Variants in UBE2K observed in about 807,000 individuals in gnomAD.
UBE2K encodes ubiquitin-conjugating enzyme E2 K.
UBE2K carries 6 observed loss-of-function variants against 30.0 expected under a neutral mutation model. The ratio of observed to expected loss-of-function variants is 0.20; its 90% CI spans 0.11 to 0.39. The LOEUF is 0.39. Among genes scored for constraint, UBE2K ranks in the 10% least tolerant of loss-of-function variants. The probability of loss-of-function intolerance (pLI) is 1.00; values close to 1 mark genes in which losing one functional copy is unlikely to be tolerated. For missense variants in UBE2K, 61 were observed against 241.6 expected, an observed-to-expected ratio of 0.25 and a Z score of 4.96; for synonymous variants, 86 against 83.7, an observed-to-expected ratio of 1.03 and a Z score of -0.15.
intron 1 of UBE2K, among the ~76,000 whole-genome samples, chr4:39,713,106 C>T (rs1007575673): frequency 2.6e-5 from 4 of 151,728 alleles, no homozygotes; most frequent in East Asian, 1.9e-4. Flanking sequence ...TCAGGTGATC[C>T]GCCTGCCTCA....
At chr4:39,777,291 A>G (rs1421540804) in intron 5 of UBE2K, among the ~76,000 whole-genome samples, 1 of 152,236 alleles carries the variant, frequency 6.6e-6, no homozygotes, top group African/African-American at 2.4e-5. Context: ...AGCTGGTTAC[A>G]TCGTAAAAAA....
chr4:39,701,448 T>C (rs1222426573), intron 1 of UBE2K, among the ~76,000 whole-genome samples: 2 of 152,224 alleles, frequency 1.3e-5, no homozygotes, highest in East Asian at 1.9e-4. Context: ...TTTTACGTTA[T>C]TGCTAATTCT....
chr4:39,772,963 A>G (rs897663409), intron 4 of UBE2K, among the ~76,000 whole-genome samples: 1 of 148,812 alleles, frequency 6.7e-6, no homozygotes, highest in Admixed American at 6.7e-5. Context: ...TTGGGATTAC[A>G]GGTGTGAGCC....
chr4:39,725,214 C>T (rs1008581908), intron 1 of UBE2K, among the ~76,000 whole-genome samples: 2 of 151,790 alleles, frequency 1.3e-5, no homozygotes, highest in African/African-American at 4.8e-5. Context: ...GGCGAACCGT[C>T]TCTACAGAAA....
intron 1 of UBE2K, among the ~76,000 whole-genome samples, chr4:39,734,146 C>T (rs1720225788): frequency 7.0e-6 from 1 of 142,540 alleles, no homozygotes; most frequent in African/African-American, 2.6e-5. Flanking sequence ...CACTGTGTTA[C>T]CCAAACTGGA....
At chr4:39,751,332 A>G (rs560679139) in intron 3 of UBE2K, among the ~76,000 whole-genome samples, 87 of 152,252 alleles carry the variant, frequency 5.7e-4, no homozygotes, top group East Asian at 3.9e-3. Context: ...CTTTTTTCCT[A>G]TGTATCTACA....
intron 4 of UBE2K, among the ~76,000 whole-genome samples, chr4:39,774,349 T>G (rs544070425): frequency 1.7e-4 from 26 of 151,534 alleles, no homozygotes; most frequent in African/African-American, 5.8e-4. Flanking sequence ...TTTTCATGCC[T>G]GTAATCCCAG....
rs1484783882 is a variant in UBE2K at position 39,740,585 on chromosome 4, G to A, written c.157+3072G>A. Reference sequence around the variant, plus strand: ...TACATTAAGATATATTCTTATGGCCGAGTGCGGTGGCTCACACCTGTAATC... The same window carrying A: ...TACATTAAGATATATTCTTATGGCCAAGTGCGGTGGCTCACACCTGTAATC... On this transcript the variant is annotated intron_variant, in intron 2 of 6. Transcript: ENST00000261427. Among the ~76,000 whole-genome samples the A allele has an allele frequency of 4.0e-5, 6 of 150,904 alleles. 1 individual carries two copies. In the South Asian group the frequency reaches 1.3e-3, roughly 32 times the overall value.
chr4:39,704,392 A>G lies in UBE2K; in HGVS notation c.63+6002A>G, dbSNP rs527823589. On this transcript the variant is annotated intron_variant, in intron 1 of 6. Coordinates refer to ENST00000261427, the MANE Select transcript of UBE2K (RefSeq NM_005339.5). Reference sequence around the variant, plus strand: ...TATGGTTTCTGGAATGGGTTGAGCAAGGAAAGCCTATAGATTGGGTTAAAA... The same window carrying G: ...TATGGTTTCTGGAATGGGTTGAGCAGGGAAAGCCTATAGATTGGGTTAAAA... Among the ~76,000 whole-genome samples the G allele has an allele frequency of 2.6e-5, 4 of 152,212 alleles. No individual in the cohort carries two copies. In the South Asian group the frequency reaches 8.3e-4, roughly 32 times the overall value.
chr4:39,770,786 G>A (rs1712746974), intron 4 of UBE2K: 14 of 1,578,152 alleles, frequency 8.9e-6, no homozygotes, highest in South Asian at 1.2e-5. Context: ...GCCGGTGTGC[G>A]ATGTCCAGGG....
intron 4 of UBE2K, among the ~76,000 whole-genome samples, chr4:39,767,941 A>G (rs909743462): frequency 3.3e-5 from 5 of 152,162 alleles, no homozygotes; most frequent in South Asian, 2.1e-4. Flanking sequence ...CCATTGGAAA[A>G]TTAAATAGTG....
At chr4:39,704,822 G>C (rs944507217) in intron 1 of UBE2K, among the ~76,000 whole-genome samples, 1 of 150,836 alleles carries the variant, frequency 6.6e-6, no homozygotes, top group Non-Finnish European at 1.5e-5. Flanking sequence ...GATTACAGAC[G>C]TGAGCCACCA....
At chr4:39,763,837 T>C (rs1490388870) in intron 4 of UBE2K, among the ~76,000 whole-genome samples, 1 of 152,066 alleles carries the variant, frequency 6.6e-6, no homozygotes, top group Non-Finnish European at 1.5e-5. Flanking sequence ...CCTTCCAGGC[T>C]CAATTGGTCT....
At chr4:39,736,913 G>T (rs931811806) in intron 1 of UBE2K, among the ~76,000 whole-genome samples, 1 of 152,160 alleles carries the variant, frequency 6.6e-6, no homozygotes, top group African/African-American at 2.4e-5. Flanking sequence ...GGTGGATAGT[G>T]TACTATTTCA....
At chr4:39,770,539 T>C (rs1712724114) in intron 4 of UBE2K, 2 of 1,596,660 alleles carry the variant, frequency 1.3e-6, no homozygotes, top group Admixed American at 1.7e-5. Flanking sequence ...CGGGCAACCA[T>C]GGCCGCCGCT....
In UBE2K at chr4:39,781,830, A is replaced by G. The variant is rs1353973948; in HGVS notation, c.*3396A>G. The stretch of plus-strand genomic sequence containing the variant: ...GAATTTCAATTCCAGGGTACAAACC[A>G]TTGATTTAAAAATTACGTTTCCATT... On this transcript the variant is annotated 3_prime_UTR_variant, in exon 7 of 7. Coordinates refer to ENST00000261427, the MANE Select transcript of UBE2K (RefSeq NM_005339.5). 1 of 397,646 alleles carries G rather than the reference A, an allele frequency of 2.5e-6. No homozygotes were observed. Among genetic ancestry groups the G allele is most frequent in the Non-Finnish European group, 4.4e-6 (1 of 225,428 alleles). The allele number at this position is 397,646 out of a possible 1,614,324, so 24.6% of individuals were successfully genotyped here.
chr4:39,712,397 A>C (rs145002458), intron 1 of UBE2K, among the ~76,000 whole-genome samples: 4 of 88,202 alleles, frequency 4.5e-5, no homozygotes, highest in East Asian at 3.2e-4. Context: ...TTTTTTTTTC[A>C]GTAGAGACAG....
At chr4:39,750,830 C>T (rs1474377630) in intron 3 of UBE2K, among the ~76,000 whole-genome samples, 3 of 151,530 alleles carry the variant, frequency 2.0e-5, no homozygotes, top group African/African-American at 7.3e-5. Context: ...ACTGCAACCT[C>T]TGCCTCCTGG....
chr4:39,743,414 T>C (rs1345875903), intron 2 of UBE2K, among the ~76,000 whole-genome samples: 1 of 152,098 alleles, frequency 6.6e-6, no homozygotes, highest in Non-Finnish European at 1.5e-5. Flanking sequence ...CCATCCTGGC[T>C]AACACGGTGA....
Sources: gnomAD v4.1 joint callset for allele counts (sites outside exome capture counted in the v4.1 genomes callset) on GRCh38, gnomAD v4.1.1 for gene constraint, MANE v1.5 for transcripts, NCBI Gene and HGNC (gene_info 2026-07-23, HGNC 2026-07-21) for gene names.